Variants in SHROOM4 observed in about 807,000 individuals in gnomAD.
SHROOM4 encodes the protein shroom family member 4.
A neutral mutation model predicts 80.3 loss-of-function variants in SHROOM4; 17 were observed. That is an observed-to-expected ratio of 0.21 (90% CI 0.14 to 0.32). SHROOM4 has a LOEUF of 0.32. SHROOM4 is among the 10% of genes least tolerant of loss of function. The probability of loss-of-function intolerance (pLI) is 1.00; values close to 1 mark genes in which losing one functional copy is unlikely to be tolerated. For synonymous variants in SHROOM4, 400 were observed against 437.5 expected (o/e 0.91, Z 1.07); for missense variants, 993 against 1,140.3 (o/e 0.87, Z 1.86).
At chrX:50,638,331 A>G in intron 2 of SHROOM4, 23 bp from the exon 3 acceptor site, 2 of 1,211,120 alleles carry the variant, frequency 1.7e-6, no homozygotes, top group South Asian at 1.8e-5. Flanking sequence ...AGGGACAGGA[A>G]GTGGGCTGAA....
intron 5 of SHROOM4, among the ~76,000 whole-genome samples, chrX:50,620,719 G>A (rs1602375137): frequency 9.0e-6 from 1 of 111,640 alleles, no homozygotes; most frequent in East Asian, 2.8e-4. Flanking sequence ...AGCAGATTAT[G>A]ATGCCTTGAA....
At chrX:50,612,889 T>C (rs782567030) in intron 5 of SHROOM4, among the ~76,000 whole-genome samples, 30 of 111,083 alleles carry the variant, frequency 2.7e-4, no homozygotes, top group Non-Finnish European at 4.1e-4. Context: ...ACCATCATTA[T>C]CATCAGACTT....
At chrX:50,639,713 C>A (rs1248220272) in intron 2 of SHROOM4, among the ~76,000 whole-genome samples, 2 of 110,963 alleles carry the variant, frequency 1.8e-5, no homozygotes, top group Non-Finnish European at 3.8e-5. Context: ...GCTGGAAATG[C>A]CCCTCACCCC....
chrX:50,658,400 T>C (rs782395876), intron 2 of SHROOM4, among the ~76,000 whole-genome samples: 1 of 111,261 alleles, frequency 9.0e-6, no homozygotes, highest in South Asian at 3.8e-4. Flanking sequence ...TCCTAGACTA[T>C]ATAATTCTCA....
chrX:50,757,767 G>A (rs1387051097), intron 1 of SHROOM4, among the ~76,000 whole-genome samples: 1 of 108,292 alleles, frequency 9.2e-6, no homozygotes, highest in Admixed American at 9.9e-5. Flanking sequence ...AGGTTGCAGT[G>A]AGCCAAGGTC....
intron 1 of SHROOM4, among the ~76,000 whole-genome samples, chrX:50,801,550 C>T (rs1471102891): frequency 9.0e-6 from 1 of 111,595 alleles, no homozygotes; most frequent in Non-Finnish European, 1.9e-5. Context: ...CTGAGAAGGG[C>T]TAAGAGCCAA....
intron 1 of SHROOM4, among the ~76,000 whole-genome samples, chrX:50,725,536 G>T (rs1934225080): frequency 1.8e-5 from 2 of 112,493 alleles, no homozygotes; most frequent in South Asian, 7.4e-4. Context: ...CTGGTGGGAG[G>T]TAACTGGACC....
At chrX:50,796,285 A>G (rs1284884498) in intron 1 of SHROOM4, among the ~76,000 whole-genome samples, 1 of 112,142 alleles carries the variant, frequency 8.9e-6, no homozygotes, top group Non-Finnish European at 1.9e-5. Context: ...GTCAGCTTGG[A>G]TGGCCTGCCT....
intron 1 of SHROOM4, among the ~76,000 whole-genome samples, chrX:50,721,605 T>C (rs782126092): frequency 1.8e-5 from 2 of 111,154 alleles, no homozygotes; most frequent in East Asian, 5.7e-4. Flanking sequence ...ACCTGTATCT[T>C]GTGCCGACCT....
chrX:50,635,110 G>T lies in SHROOM4; in HGVS notation c.963C>A (p.Asn321Lys). ...LSLEPVLPAR[N>K]PNRFCCLSGH... The stretch of plus-strand genomic sequence containing the variant: ...CACTGAGGCAACAGAACCTATTAGG[G>T]TTCCTTGCGGGTAGCACAGGCTCTA... The change falls in exon 4 of 9, where the codon AAC becomes AAA. Residue 321 changes from asparagine to lysine, a missense_variant. By Grantham distance (94) the Asn-to-Lys change is moderately conservative. Transcript: ENST00000376020. 8.3e-7 allele frequency: 1 copy of T among 1,211,530 alleles called. No individual in the cohort carries two copies.
At chrX:50,652,114 G>C (rs1388224901) in intron 2 of SHROOM4, among the ~76,000 whole-genome samples, 2 of 111,917 alleles carry the variant, frequency 1.8e-5, no homozygotes, top group South Asian at 3.8e-4. Context: ...GGGATTGCTA[G>C]ATCAAACGGT....
chrX:50,785,421 T>C (rs1177427310), intron 1 of SHROOM4, among the ~76,000 whole-genome samples: 4 of 111,848 alleles, frequency 3.6e-5, no homozygotes, highest in Non-Finnish European at 7.5e-5. Flanking sequence ...TAGCCAGAAA[T>C]AATGCAAATG....
chrX:50,601,057 C>T (rs1252677167), intron 7 of SHROOM4, among the ~76,000 whole-genome samples: 1 of 112,080 alleles, frequency 8.9e-6, no homozygotes, highest in Non-Finnish European at 1.9e-5. Context: ...GGCTCTACAA[C>T]CTGAACCTCA....
At position 50,590,416 on chromosome X, in the gene SHROOM4, T is replaced by G. The variant is rs1557245253; in HGVS notation, c.*6279A>C. Among the ~76,000 whole-genome samples the G allele has an allele frequency of 9.0e-6, 1 of 110,745 alleles. No homozygotes were observed. Among genetic ancestry groups the G allele is most frequent in the Non-Finnish European group, 1.9e-5 (1 of 52,908 alleles). ...CACCTGCCACCATGCCCTGCTAATT[T>G]TTTTGTATTTTTTTTAGTAGAGATG... On this transcript the variant is annotated 3_prime_UTR_variant, in exon 9 of 9. Coordinates refer to ENST00000376020, the MANE Select transcript of SHROOM4 (RefSeq NM_020717.5).
chrX:50,806,202 G>A (rs782201881), intron 1 of SHROOM4, among the ~76,000 whole-genome samples: 10 of 111,826 alleles, frequency 8.9e-5, no homozygotes, highest in Non-Finnish European at 1.9e-4. Context: ...TAGATGCATG[G>A]AAAATGTGTC....
chrX:50,604,600 T>A (rs1602357691), intron 6 of SHROOM4, among the ~76,000 whole-genome samples: 1 of 111,777 alleles, frequency 8.9e-6, no homozygotes, highest in African/African-American at 3.3e-5. Flanking sequence ...AAGAAAAATA[T>A]TTAGGGTATG....
chrX:50,756,569 C>T (rs1569548587), intron 1 of SHROOM4, among the ~76,000 whole-genome samples: 1 of 112,157 alleles, frequency 8.9e-6, no homozygotes. Context: ...TTAGAAACTG[C>T]TAAACTGTTT....
intron 1 of SHROOM4, among the ~76,000 whole-genome samples, chrX:50,736,450 T>C (rs1454877514): frequency 1.8e-5 from 2 of 111,090 alleles, no homozygotes; most frequent in East Asian, 5.7e-4. Flanking sequence ...GTTGTTCTCC[T>C]CCCTGTGTCC....
rs1420121598 is a variant in SHROOM4 at position 50,591,693 on chromosome X, CTTTTCTTT to C, written c.*4994_*5001del. On this transcript the variant is annotated 3_prime_UTR_variant, in exon 9 of 9. Transcript: ENST00000376020. Reference sequence around the variant, plus strand: ...GTTTTCTTTCTTTCTTTCTTTCTTTCTTTTCTTTCTTTCTTTCTTTCTTTCTTTCTTTC... The same window carrying C: ...GTTTTCTTTCTTTCTTTCTTTCTTTCCTTTCTTTCTTTCTTTCTTTCTTTC... The C allele has an allele frequency of 8.7e-6, 2 of 228,919 alleles. No homozygotes were observed. The highest frequency in any genetic ancestry group is 3.6e-5 in the South Asian group (1 of 27,536). 18.9% of individuals were successfully genotyped at this position (228,919 alleles called of 1,213,427 possible).
Sources: gnomAD v4.1 joint callset for allele counts (sites outside exome capture counted in the v4.1 genomes callset) on GRCh38, gnomAD v4.1.1 for gene constraint, MANE v1.5 for transcripts, NCBI Gene and HGNC (gene_info 2026-07-23, HGNC 2026-07-21) for gene names.